The following PTPRZ1 variants were observed in gnomAD, a reference collection of about 807,000 sequenced individuals.
PTPRZ1 encodes the protein receptor-type tyrosine-protein phosphatase zeta.
A neutral mutation model predicts 214.1 loss-of-function variants in PTPRZ1; 82 were observed. The ratio of observed to expected loss-of-function variants is 0.38; its 90% confidence interval spans 0.32 to 0.46. The LOEUF (loss-of-function observed/expected upper bound fraction) is 0.46, where lower values mean the gene tolerates loss of function less well. Ranked by LOEUF, PTPRZ1 falls within the 20% of genes least tolerant of loss-of-function variation. PTPRZ1 has a pLI of 1.00. For synonymous variants in PTPRZ1, 945 were observed against 987.9 expected, an observed-to-expected ratio of 0.96 and a Z score of 0.81; for missense variants, 2,603 against 2,748.7, an observed-to-expected ratio of 0.95 and a Z score of 1.19.
At chr7:122,043,837 G>A (rs1448147978) in intron 22 of PTPRZ1, among the ~76,000 whole-genome samples, 1 of 152,080 alleles carries the variant, frequency 6.6e-6, no homozygotes, top group Non-Finnish European at 1.5e-5. Flanking sequence ...CCTGGGTGAT[G>A]AAATAGTCTA....
chr7:121,962,297 AGTTAGCTGGGC>A (rs990300576), intron 2 of PTPRZ1, among the ~76,000 whole-genome samples: 1 of 151,826 alleles, frequency 6.6e-6, no homozygotes, highest in Admixed American at 6.6e-5. Context: ...AAATACAAAA[AGTTAGCTGGGC>A]GTGGTGGCAC....
At chr7:121,931,152 T>A (rs535333524) in intron 2 of PTPRZ1, among the ~76,000 whole-genome samples, 1 of 152,334 alleles carries the variant, frequency 6.6e-6, no homozygotes, top group South Asian at 2.1e-4. Context: ...TTTTTATTTT[T>A]AATTCCTAAG....
intron 9 of PTPRZ1, among the ~76,000 whole-genome samples, chr7:121,996,828 A>G (rs1284124483): frequency 6.6e-6 from 1 of 152,230 alleles, no homozygotes; most frequent in Non-Finnish European, 1.5e-5. Context: ...TGACTTATGA[A>G]CTGGAGATCA....
chr7:122,023,727 A>G (rs1054714471), intron 13 of PTPRZ1, among the ~76,000 whole-genome samples: 1 of 132,646 alleles, frequency 7.5e-6, no homozygotes, highest in Non-Finnish European at 1.6e-5. Flanking sequence ...TATATATTAT[A>G]TGTATAATTT....
chr7:121,972,362 T>C (rs1024241104), intron 3 of PTPRZ1, among the ~76,000 whole-genome samples, 179 bp from the exon 4 acceptor site: 1 of 152,198 alleles, frequency 6.6e-6, no homozygotes, highest in Admixed American at 6.5e-5. Context: ...TTTGTGGCAA[T>C]AAGATATAAG....
At chr7:122,037,460 C>T (rs1003035948) in intron 18 of PTPRZ1, among the ~76,000 whole-genome samples, 1 of 152,080 alleles carries the variant, frequency 6.6e-6, no homozygotes, top group African/African-American at 2.4e-5. Context: ...GGATACCCAG[C>T]TTTGTGGAAC....
intron 12 of PTPRZ1, among the ~76,000 whole-genome samples, chr7:122,018,015 C>T (rs1389560500): frequency 6.6e-6 from 1 of 152,146 alleles, no homozygotes; most frequent in Non-Finnish European, 1.5e-5. Flanking sequence ...TTATATTAGT[C>T]TCAATTTTCT....
At chr7:121,895,648 T>G (rs1794764798) in intron 1 of PTPRZ1, among the ~76,000 whole-genome samples, 1 of 152,194 alleles carries the variant, frequency 6.6e-6, no homozygotes, top group Non-Finnish European at 1.5e-5. Context: ...AATAAAGATC[T>G]CTCATTCGTA....
In PTPRZ1 at chr7:122,061,291, G is replaced by C. The variant is rs1792570111; in HGVS notation, c.*71G>C. Reference sequence around the variant, plus strand: ...TTCCTAAAATTAGGCAGGAAAATCAGTCTAGTTCTGTTATCTGTTGATTTC... The same window carrying C: ...TTCCTAAAATTAGGCAGGAAAATCACTCTAGTTCTGTTATCTGTTGATTTC... On this transcript the variant is annotated 3_prime_UTR_variant, in exon 30 of 30. Coordinates refer to ENST00000393386, the MANE Select transcript of PTPRZ1 (RefSeq NM_002851.3). The C allele has an allele frequency of 4.4e-6, 6 of 1,356,402 alleles. No homozygotes were observed. Among genetic ancestry groups the C allele is most frequent in the Middle Eastern group, 1.9e-4 (1 of 5,220 alleles). The allele number at this position is 1,356,402 out of a possible 1,614,324, so 84.0% of individuals were successfully genotyped here. A position where few individuals can be genotyped will look rare whatever the true frequency, so the allele number is the denominator to read the frequency against.
chr7:122,058,490 G>T lies in PTPRZ1; in HGVS notation c.6529-310G>T, dbSNP rs1011157045. 2.6e-5 allele frequency among the ~76,000 whole-genome samples: 4 copies of T among 151,972 alleles called. No individual in the cohort carries two copies. In the East Asian group the frequency reaches 7.7e-4, roughly 29 times the overall value. On this transcript the variant is annotated intron_variant, in intron 27 of 29. Transcript: ENST00000393386. ...TCCTTTTATAAATTTGAATTTAGCC[G>T]TGCAAATACATCTTTGATACATAGT... is the stretch of plus-strand genomic sequence containing the variant.
At chr7:122,031,196 G>A (rs924028205) in intron 14 of PTPRZ1, among the ~76,000 whole-genome samples, 1 of 151,998 alleles carries the variant, frequency 6.6e-6, no homozygotes, top group African/African-American at 2.4e-5. Context: ...AAGGAGTGGG[G>A]CTATGGTGGT....
chr7:122,051,612 A>G, intron 24 of PTPRZ1, 91 bp downstream of exon 24: 1 of 1,048,732 alleles, frequency 9.5e-7, no homozygotes, highest in Admixed American at 2.2e-5. Context: ...CTTTGGAGCA[A>G]ATGGAGCACA....
intron 1 of PTPRZ1, among the ~76,000 whole-genome samples, chr7:121,904,919 A>G (rs1202727456): frequency 1.3e-5 from 2 of 152,192 alleles, no homozygotes; most frequent in African/African-American, 2.4e-5. Context: ...CTTTTACATG[A>G]ACCTAAGAAT....
chr7:121,874,621 C>A (rs548708192), intron 1 of PTPRZ1, among the ~76,000 whole-genome samples: 6 of 152,212 alleles, frequency 3.9e-5, no homozygotes, highest in East Asian at 1.9e-4. Flanking sequence ...GGCACAGTAA[C>A]CTTTACAAAC....
At chr7:122,007,442 T>G (rs1025675771) in intron 11 of PTPRZ1, among the ~76,000 whole-genome samples, 1 of 152,122 alleles carries the variant, frequency 6.6e-6, no homozygotes, top group Non-Finnish European at 1.5e-5. Context: ...CTATTGAAAT[T>G]AACTATTGTA....
rs776703427 is a variant in PTPRZ1 at position 122,059,890 on chromosome 7, T to A, written c.6807+2T>A. 2 of 1,608,388 alleles carry A rather than the reference T, an allele frequency of 1.2e-6. No individual in the cohort carries two copies. The highest frequency in any genetic ancestry group is 1.7e-6 in the Non-Finnish European group (2 of 1,178,240). ...AGGCCAGGAGTCTTTGCTGACATTG[T>A]AAGTAACAAGGCAGTGAACGAAATT... On this transcript the variant is annotated splice_donor_variant, in intron 29 of 29. Coordinates refer to ENST00000393386, the MANE Select transcript of PTPRZ1 (RefSeq NM_002851.3). LOFTEE classifies it high-confidence loss of function.
At chr7:122,023,560 ATATG>A in intron 13 of PTPRZ1, among the ~76,000 whole-genome samples, 6 of 133,322 alleles carry the variant, frequency 4.5e-5, no homozygotes, top group African/African-American at 1.7e-4. Flanking sequence ...TATATATATT[ATATG>A]TATAATTTTA....
At chr7:121,950,926 T>A (rs533529476) in intron 2 of PTPRZ1, among the ~76,000 whole-genome samples, 1 of 152,328 alleles carries the variant, frequency 6.6e-6, no homozygotes, top group African/African-American at 2.4e-5. Context: ...ATTTATTTTC[T>A]AATTACCCAT....
At chr7:121,876,202 A>C (rs1203761529) in intron 1 of PTPRZ1, among the ~76,000 whole-genome samples, 1 of 152,220 alleles carries the variant, frequency 6.6e-6, no homozygotes, top group Non-Finnish European at 1.5e-5. Flanking sequence ...ACATGAACCA[A>C]AACAAATTTT....
Sources: gnomAD v4.1 joint callset for allele counts (sites outside exome capture counted in the v4.1 genomes callset) on GRCh38, gnomAD v4.1.1 for gene constraint, MANE v1.5 for transcripts, NCBI Gene and HGNC (gene_info 2026-07-23, HGNC 2026-07-21) for gene names.